SRP54: variants seen among roughly 807,000 people sequenced by gnomAD.
The protein encoded by SRP54 is signal recognition particle subunit SRP54.
In SRP54, 10 loss-of-function variants were observed where a neutral mutation model predicts 64.8. The observed-to-expected ratio is 0.15, with a 90% CI of 0.10 to 0.26. SRP54 has a LOEUF of 0.26. SRP54 is among the 10% of genes least tolerant of loss of function. The pLI is 1.00. For missense variants in SRP54, 325 were observed against 613.7 expected (o/e 0.53, Z 4.97); for synonymous variants, 193 against 185.6 (o/e 1.04, Z -0.32).
At chr14:34,999,788 T>C (rs927240280) in intron 3 of SRP54, 139 bp downstream of exon 3, 6 of 590,006 alleles carry the variant, frequency 1.0e-5, no homozygotes, top group African/African-American at 7.4e-5. Flanking sequence ...GGAGCTCATA[T>C]GTTGGGCGAG....
intron 4 of SRP54, among the ~76,000 whole-genome samples, chr14:35,006,105 C>CT (rs2044253350): frequency 6.6e-6 from 1 of 152,086 alleles, no homozygotes; most frequent in Non-Finnish European, 1.5e-5. Context: ...TCCCAAAGTG[C>CT]TGGGATTACA....
chr14:35,009,983 A>C (rs759312186), intron 7 of SRP54, among the ~76,000 whole-genome samples: 2 of 151,834 alleles, frequency 1.3e-5, no homozygotes, highest in Non-Finnish European at 2.9e-5. Flanking sequence ...CCCTGTCTCT[A>C]CTAAAAATAC....
chr14:34,988,578 A>AAAAAAAAAAT lies in SRP54; in HGVS notation c.-34+5364_-34+5365insAAAAAAAATA, dbSNP rs1384552218. Among the ~76,000 whole-genome samples the AAAAAAAAAAT allele has an allele frequency of 1.7e-4, 8 of 47,102 alleles. 1 individual carries two copies. Among genetic ancestry groups the AAAAAAAAAAT allele is most frequent in the African/African-American group, 4.0e-4 (6 of 14,912 alleles). 30.9% of individuals were successfully genotyped at this position (47,102 alleles called of 152,430 possible). ...TCCATCTCAAAAAAAAAAAAAAAAA[A>AAAAAAAAAAT]ATATATATATATATATAACATATAT... On this transcript the variant is annotated intron_variant, in intron 1 of 15. Transcript: ENST00000216774.
At position 35,018,597 on chromosome 14, in the gene SRP54, C is replaced by T. The variant is rs2044478824; in HGVS notation, c.974-95C>T. 7.4e-6 allele frequency: 7 copies of T among 948,322 alleles called. No individual in the cohort carries two copies. In the Admixed American group the frequency reaches 1.7e-4, roughly 23 times the overall value. The allele number at this position is 948,322 out of a possible 1,614,324, so 58.7% of individuals were successfully genotyped here. The stretch of plus-strand genomic sequence containing the variant: ...TATTGATGTATATTTTATAAATATG[C>T]TTCAAGATGAATTCATGATTAAGGA... On this transcript the variant is annotated intron_variant, in intron 11 of 15. Coordinates refer to ENST00000216774, the MANE Select transcript of SRP54 (RefSeq NM_003136.4).
intron 4 of SRP54, among the ~76,000 whole-genome samples, chr14:35,002,637 A>G (rs1345412229): frequency 6.8e-6 from 1 of 147,056 alleles, no homozygotes; most frequent in African/African-American, 2.5e-5. Flanking sequence ...GGGTTTCACC[A>G]TGTTGGCCAG....
chr14:35,016,333 C>G (rs975626061), intron 11 of SRP54, among the ~76,000 whole-genome samples: 20 of 152,198 alleles, frequency 1.3e-4, no homozygotes, highest in Non-Finnish European at 2.5e-4. Context: ...AAGTTTTTAA[C>G]TGATTTTACT....
At chr14:34,990,535 T>C (rs2043961955) in intron 1 of SRP54, among the ~76,000 whole-genome samples, 1 of 152,222 alleles carries the variant, frequency 6.6e-6, no homozygotes, top group Non-Finnish European at 1.5e-5. Context: ...ATCTCTTACC[T>C]TTCTAAAAGC....
At chr14:35,023,167 C>T (rs1203113375) in intron 14 of SRP54, 87 bp downstream of exon 14, 10 of 1,097,182 alleles carry the variant, frequency 9.1e-6, no homozygotes, top group Non-Finnish European at 1.3e-5. Flanking sequence ...GGAAAATTCA[C>T]AGCTGAATTT....
chr14:35,023,691 G>A (rs947599848), intron 14 of SRP54, among the ~76,000 whole-genome samples: 1 of 151,766 alleles, frequency 6.6e-6, no homozygotes, highest in African/African-American at 2.4e-5. Flanking sequence ...GGCTGAGGCA[G>A]GAGAATCACT....
At chr14:34,997,130 GCTT>G (rs1235615412) in intron 2 of SRP54, among the ~76,000 whole-genome samples, 1 of 152,006 alleles carries the variant, frequency 6.6e-6, no homozygotes, top group Non-Finnish European at 1.5e-5. Flanking sequence ...TCATTACTCT[GCTT>G]CTTTCTTCTT....
chr14:35,009,612 CA>C (rs1172968481), intron 7 of SRP54, among the ~76,000 whole-genome samples: 1 of 151,946 alleles, frequency 6.6e-6, no homozygotes, highest in Non-Finnish European at 1.5e-5. Flanking sequence ...CTCATAAAAG[CA>C]AAAAGCCTTA....
At chr14:35,018,547 A>G in intron 11 of SRP54, 145 bp from the exon 12 acceptor site, 2 of 650,400 alleles carry the variant, frequency 3.1e-6, no homozygotes, top group South Asian at 4.1e-5. Context: ...GTCATCTTGC[A>G]CATGGTAACT....
chr14:34,999,563 G>A lies in SRP54; in HGVS notation c.84G>A (p.Leu28=), dbSNP rs1227017474. The part of the protein sequence containing the change: ...SNATIINEEV[L]NAMLKEVCTA... ...ATTTATTTCTTTATTTTCAGGTATTGAATGCTATGCTAAAAGAAGTCTGTA... is the reference window on the plus strand; with the variant it reads ...ATTTATTTCTTTATTTTCAGGTATTAAATGCTATGCTAAAAGAAGTCTGTA... Residue 28 remains leucine, a synonymous_variant, in exon 3 of 16, where the codon TTG becomes TTA. Transcript: ENST00000216774. 6.2e-7 allele frequency: 1 copy of A among 1,609,454 alleles called. No individual in the cohort carries two copies. The highest frequency in any genetic ancestry group is 1.3e-5 in the African/African-American group (1 of 74,872).
At chr14:35,026,536 C>T (rs1025686790) in intron 14 of SRP54, among the ~76,000 whole-genome samples, 12 of 152,146 alleles carry the variant, frequency 7.9e-5, no homozygotes, top group Non-Finnish European at 1.3e-4. Flanking sequence ...ACCCAGGCTG[C>T]ATCTCTTTCA....
rs971181042 is a variant in SRP54 at position 35,019,199 on chromosome 14, T to A, written c.1156+125T>A. On this transcript the variant is annotated intron_variant, in intron 13 of 15. Coordinates refer to ENST00000216774, the MANE Select transcript of SRP54 (RefSeq NM_003136.4). ...CCTGAAAGATTATTTTTAGGTAGAT[T>A]TGTAATAGCTTGAAAGCTCTTACTC... The A allele has an allele frequency of 1.4e-5, 9 of 648,914 alleles. No individual in the cohort carries two copies. In the African/African-American group the frequency reaches 1.6e-4, roughly 12 times the overall value. The allele number at this position is 648,914 out of a possible 1,614,324, so 40.2% of individuals were successfully genotyped here.
chr14:35,026,316 C>T (rs1040344878), intron 14 of SRP54, among the ~76,000 whole-genome samples: 1 of 151,912 alleles, frequency 6.6e-6, no homozygotes, highest in African/African-American at 2.4e-5. Flanking sequence ...CAGCCTTGAC[C>T]TCCCAAGCTC....
chr14:35,018,892 C>G (rs770488882), intron 12 of SRP54, 74 bp from the exon 13 acceptor site: 57 of 1,440,474 alleles, frequency 4.0e-5, no homozygotes, highest in Non-Finnish European at 4.9e-5. Flanking sequence ...AATATTAAAC[C>G]TAATAGTTAA....
intron 1 of SRP54, 146 bp from the exon 2 acceptor site, chr14:34,996,531 A>T (rs1474045338): frequency 2.0e-6 from 1 of 499,922 alleles, no homozygotes; most frequent in Non-Finnish European, 3.6e-6. Flanking sequence ...TTATGACATG[A>T]CTGTATTTAA....
intron 1 of SRP54, among the ~76,000 whole-genome samples, chr14:34,992,855 CTTATTTATTTAT>C (rs139297978): frequency 6.6e-5 from 10 of 151,292 alleles, no homozygotes; most frequent in Non-Finnish European, 1.2e-4. Flanking sequence ...ACTAGTATGG[CTTATTTATTTAT>C]TTATTTATTT....
Sources: gnomAD v4.1 joint callset for allele counts (sites outside exome capture counted in the v4.1 genomes callset) on GRCh38, gnomAD v4.1.1 for gene constraint, MANE v1.5 for transcripts, NCBI Gene and HGNC (gene_info 2026-07-23, HGNC 2026-07-21) for gene names.